APOD: variants seen among roughly 807,000 people sequenced by gnomAD.
APOD encodes apolipoprotein D, also known as apo-D.
Under a neutral mutation model 20.4 loss-of-function variants are expected in APOD, and 22 were observed. The ratio of observed to expected loss-of-function variants is 1.08; its 90% CI spans 0.77 to 1.54. The LOEUF (loss-of-function observed/expected upper bound fraction) is 1.54, where lower values mean the gene tolerates loss of function less well. APOD is among the 40% of genes most tolerant of loss of function. The pLI is 0.00. For synonymous variants in APOD, 97 were observed against 92.4 expected (o/e 1.05, Z -0.29); for missense variants, 223 against 229.6 (o/e 0.97, Z 0.19).
intron 4 of APOD, chr3:195,570,618 G>A (rs1445728364): frequency 6.6e-6 from 1 of 152,538 alleles, no homozygotes; most frequent in Non-Finnish European, 1.5e-5. Flanking sequence ...TGTCTACCCT[G>A]CAGGTGGGAA....
intron 1 of APOD, chr3:195,583,230 C>T (rs1198355547): frequency 6.6e-6 from 1 of 152,168 alleles, no homozygotes; most frequent in South Asian, 2.1e-4. Flanking sequence ...AAGCCTAGGC[C>T]TGGGGACAGG....
chr3:195,576,944 G>A (rs1054406920), intron 2 of APOD: 3 of 168,090 alleles, frequency 1.8e-5, no homozygotes, highest in Non-Finnish European at 3.9e-5. Flanking sequence ...TAGCACTATG[G>A]GAGGCCGAGG....
At position 195,579,509 on chromosome 3, in the gene APOD, A is replaced by G. The variant is rs765342921; in HGVS notation, c.-34-14T>C. On this transcript the variant is annotated splice_polypyrimidine_tract_variant and intron_variant, in intron 1 of 4. Coordinates refer to ENST00000343267, the MANE Select transcript of APOD (RefSeq NM_001647.4). Reference sequence around the variant, plus strand: ...AGGGACCTGGAGCTGCGGGAACGCAAAGCAGCTGGGGTTGTCATTCTGAGC... The same window carrying G: ...AGGGACCTGGAGCTGCGGGAACGCAGAGCAGCTGGGGTTGTCATTCTGAGC... 6.2e-7 allele frequency: 1 copy of G among 1,602,278 alleles called. No individual in the cohort carries two copies. The highest frequency in any genetic ancestry group is 1.7e-5 in the Admixed American group (1 of 59,496).
At chr3:195,572,723 G>A (rs1214941599) in intron 3 of APOD, among the ~76,000 whole-genome samples, 1 of 152,158 alleles carries the variant, frequency 6.6e-6, no homozygotes, top group African/African-American at 2.4e-5. Flanking sequence ...TAGAAAGTCA[G>A]TAGGTTGGCC....
At chr3:195,571,611 C>T (rs1480578488) in intron 3 of APOD, among the ~76,000 whole-genome samples, 2 of 152,006 alleles carry the variant, frequency 1.3e-5, no homozygotes, top group African/African-American at 2.4e-5. Context: ...GATAAGAAGC[C>T]GCAATTGACA....
At chr3:195,577,972 G>A (rs576172822) in intron 2 of APOD, among the ~76,000 whole-genome samples, 1 of 152,066 alleles carries the variant, frequency 6.6e-6, no homozygotes, top group African/African-American at 2.4e-5. Flanking sequence ...GTTCTAAATC[G>A]ATGGTGGTGG....
chr3:195,571,405 A>C, intron 3 of APOD, 40 bp from the exon 4 acceptor site: 2 of 1,560,184 alleles, frequency 1.3e-6, no homozygotes, highest in East Asian at 2.2e-5. Flanking sequence ...AAAAAACGAA[A>C]AGAGAAAAGA....
In APOD at chr3:195,568,970, A is replaced by G; in HGVS notation, c.500T>C (p.Leu167Pro). 6.2e-7 allele frequency: 1 copy of G among 1,614,210 alleles called. No homozygotes were observed. The highest frequency in any genetic ancestry group is 1.1e-5 in the South Asian group (1 of 91,088). Residue 167 changes from leucine (L) to proline (P), a missense_variant, in exon 5 of 5, where the codon CTG (leucine) becomes CCG (proline). Physicochemically the swap from Leu to Pro is moderately conservative, Grantham distance 98 (BLOSUM62 -3). Coordinates refer to ENST00000343267, the MANE Select transcript of APOD (RefSeq NM_001647.4). Reference sequence around the variant, plus strand: ...CTTGACATCAATGTTATTAGAAGTCAGGATATTTTTTAGAGAGTCCACTGT... The same window carrying G: ...CTTGACATCAATGTTATTAGAAGTCGGGATATTTTTTAGAGAGTCCACTGT... ...PETVDSLKNI[L>P]TSNNIDVKKM... is the part of the protein sequence containing the mutation.
At chr3:195,569,491 C>T (rs1426521472) in intron 4 of APOD, among the ~76,000 whole-genome samples, 1 of 152,092 alleles carries the variant, frequency 6.6e-6, no homozygotes, top group African/African-American at 2.4e-5. Context: ...AGTGATTTTG[C>T]AAAAATCTGT....
chr3:195,579,642 G>A, intron 1 of APOD, 147 bp from the exon 2 acceptor site: 1 of 841,206 alleles, frequency 1.2e-6, no homozygotes, highest in Non-Finnish European at 1.8e-6. Flanking sequence ...ATCCTGCAGG[G>A]GAACACCTGC....
chr3:195,568,787 G>T lies in APOD; in HGVS notation c.*113C>A. 1 of 776,360 alleles carries T rather than the reference G, an allele frequency of 1.3e-6. No individual in the cohort carries two copies. The highest frequency in any genetic ancestry group is 2.2e-6 in the Non-Finnish European group (1 of 452,696). 48.1% of individuals were successfully genotyped at this position (776,360 alleles called of 1,614,324 possible). The stretch of plus-strand genomic sequence containing the variant: ...GTAACAGGGTAGGGCATGGTTACAT[G>T]TTCAGGTCAACTTCCTTTGTCGTGG... On this transcript the variant is annotated 3_prime_UTR_variant, in exon 5 of 5. Transcript: ENST00000343267.
chr3:195,573,926 C>T lies in APOD; in HGVS notation c.169G>A (p.Glu57Lys), dbSNP rs1577603886. The T allele has an allele frequency of 1.2e-6, 2 of 1,614,214 alleles. No individual in the cohort carries two copies. The highest frequency in any genetic ancestry group is 2.2e-5 in the East Asian group (1 of 44,884). ...TTGGCCTGGATGCAGCGTCCATTCT[C>T]AAAGGTTGTTGGGATCTTCTCAATT... Reference protein sequence around the residue: ...YEIEKIPTTFENGRCIQANYS... With the variant: ...YEIEKIPTTFKNGRCIQANYS... Residue 57 changes from glutamate to lysine, a missense_variant, in exon 3 of 5, where the codon GAG becomes AAG. Glu to Lys is a moderately conservative substitution (Grantham distance 56). Transcript: ENST00000343267.
chr3:195,575,269 T>C (rs145273664), intron 2 of APOD, among the ~76,000 whole-genome samples: 11 of 152,362 alleles, frequency 7.2e-5, no homozygotes, highest in African/African-American at 2.6e-4. Context: ...AAAGATTCTC[T>C]GCTTTTAAGG....
intron 4 of APOD, 30 bp from the exon 5 acceptor site, chr3:195,569,165 G>A: frequency 1.3e-6 from 2 of 1,585,170 alleles, no homozygotes; most frequent in Non-Finnish European, 1.7e-6. Flanking sequence ...AGCATTATTG[G>A]AGGGAGAGGG....
chr3:195,569,786 G>GGTT lies in APOD; in HGVS notation c.335-652_335-651insAAC, dbSNP rs1720126677. Among the ~76,000 whole-genome samples the GGTT allele has an allele frequency of 5.9e-4, 32 of 54,046 alleles. 1 individual carries two copies. The highest frequency in any genetic ancestry group is 2.3e-3 in the African/African-American group (27 of 11,946). The allele number at this position is 54,046 out of a possible 152,430, so 35.5% of individuals were successfully genotyped here. A position where few individuals can be genotyped will look rare whatever the true frequency, so the allele number is the denominator to read the frequency against. The stretch of plus-strand genomic sequence containing the variant: ...CTTTATTCAGGCCTTCTTCTTCTTC[G>GGTT]TTTTTTTTTTTTTTTTTTTTTTTTT... On this transcript the variant is annotated intron_variant, in intron 4 of 4. Transcript: ENST00000343267.
chr3:195,579,423 G>A lies in APOD; in HGVS notation c.39C>T (p.Gly13=), dbSNP rs780404719. The A allele has an allele frequency of 1.2e-6, 2 of 1,613,136 alleles. No individual in the cohort carries two copies. The highest frequency in any genetic ancestry group is 1.7e-6 in the Non-Finnish European group (2 of 1,179,940). The part of the protein sequence containing the change: ...MLLLLLSALA[G]LFGAAEGQAF... Reference sequence around the variant, plus strand: ...CTTGTCCCTCTGCCGCACCGAAGAGGCCAGCCAGTGCGGAAAGCAGCAGCA... The same window carrying A: ...CTTGTCCCTCTGCCGCACCGAAGAGACCAGCCAGTGCGGAAAGCAGCAGCA... Residue 13 remains glycine (G), a synonymous_variant, in exon 2 of 5, where the codon GGC becomes GGT. Transcript: ENST00000343267.
At chr3:195,572,740 G>A (rs908118026) in intron 3 of APOD, among the ~76,000 whole-genome samples, 19 of 152,246 alleles carry the variant, frequency 1.2e-4, no homozygotes, top group Non-Finnish European at 2.6e-4. Flanking sequence ...GGCCGGGCGT[G>A]GTGGCTCACG....
At chr3:195,578,229 G>A (rs1478291223) in intron 2 of APOD, among the ~76,000 whole-genome samples, 2 of 151,964 alleles carry the variant, frequency 1.3e-5, no homozygotes, top group African/African-American at 4.8e-5. Flanking sequence ...GCCTCTCTGT[G>A]GTCTATCAGA....
intron 3 of APOD, among the ~76,000 whole-genome samples, chr3:195,573,332 A>G (rs1720197189): frequency 6.6e-6 from 1 of 152,232 alleles, no homozygotes; most frequent in Admixed American, 6.5e-5. Flanking sequence ...AGAAGCCCTC[A>G]GTAATAGAAA....
Sources: allele counts gnomAD v4.1 joint callset (sites outside exome capture counted in the v4.1 genomes callset), GRCh38; gene constraint gnomAD v4.1.1; transcripts MANE v1.5; gene names NCBI Gene and HGNC (gene_info 2026-07-23, HGNC 2026-07-21).